Variants in ACKR3 observed in about 807,000 individuals in gnomAD.
ACKR3 encodes atypical chemokine receptor 3, also known as C-X-C chemokine receptor type 7.
Under a neutral mutation model 22.4 loss-of-function variants are expected in ACKR3, and 6 were observed. That is an observed-to-expected ratio of 0.27 (90% CI 0.15 to 0.53). ACKR3 has a LOEUF of 0.53. Among genes scored for constraint, ACKR3 ranks in the 20% least tolerant of loss-of-function variants. The pLI, the probability that ACKR3 is intolerant of heterozygous loss-of-function variation, is 0.96. For missense variants in ACKR3, 396 were observed against 475.2 expected, an observed-to-expected ratio of 0.83 and a Z score of 1.55; for synonymous variants, 209 against 205.2, an observed-to-expected ratio of 1.02 and a Z score of -0.16.
upstream of ACKR3, among the ~76,000 whole-genome samples, chr2:236,566,702 T>C (rs28452030): frequency 2.0e-5 from 3 of 148,834 alleles, no homozygotes; most frequent in African/African-American, 7.5e-5. Flanking sequence ...TCTGTCCCTC[T>C]TTCCTTCCTT....
At chr2:236,551,823 C>T in the ACKR3 span, among the ~76,000 whole-genome samples, 1 of 152,152 alleles carries the variant, frequency 6.6e-6, no homozygotes, top group South Asian at 2.1e-4. Flanking sequence ...GTTCTCTGAG[C>T]CTTGCATGTG....
the ACKR3 span, among the ~76,000 whole-genome samples, chr2:236,561,182 A>C: frequency 1.3e-5 from 2 of 152,350 alleles, no homozygotes; most frequent in Admixed American, 1.3e-4. Context: ...ATCAGTAAGC[A>C]TAAAGTTTTG....
intron 1 of ACKR3, among the ~76,000 whole-genome samples, chr2:236,578,999 C>T (rs758638719): frequency 2.1e-4 from 32 of 152,226 alleles, no homozygotes; most frequent in Non-Finnish European, 3.1e-4. Flanking sequence ...TTTCTTCTTT[C>T]TTCTTAGGGT....
At chr2:236,575,221 T>C (rs929371597) in intron 1 of ACKR3, among the ~76,000 whole-genome samples, 2 of 152,176 alleles carry the variant, frequency 1.3e-5, no homozygotes, top group Non-Finnish European at 2.9e-5. Context: ...CAGAAGTTTA[T>C]AGAGTAAAAA....
At chr2:236,544,302 A>G in the ACKR3 span, among the ~76,000 whole-genome samples, 15 of 152,150 alleles carry the variant, frequency 9.9e-5, no homozygotes, top group African/African-American at 3.6e-4. The surrounding 1 kb of genome is among the most constrained non-coding windows in gnomAD (Gnocchi z 5.0). Context: ...TCATATCTTT[A>G]TAAGGACAAA....
At chr2:236,579,158 C>T (rs745351923) in intron 1 of ACKR3, among the ~76,000 whole-genome samples, 5 of 152,200 alleles carry the variant, frequency 3.3e-5, no homozygotes, top group African/African-American at 9.6e-5. Flanking sequence ...CTTTGCATAC[C>T]GCTAGCGTAG....
upstream of ACKR3, among the ~76,000 whole-genome samples, chr2:236,567,538 C>T (rs147179131): frequency 2.6e-5 from 4 of 152,308 alleles, no homozygotes; most frequent in African/African-American, 9.6e-5. Flanking sequence ...TCAAAAAGCC[C>T]TGCTTGCTTA....
chr2:236,557,517 G>A, the ACKR3 span, among the ~76,000 whole-genome samples: 1 of 152,166 alleles, frequency 6.6e-6, no homozygotes, highest in African/African-American at 2.4e-5. Context: ...TATATTGAAA[G>A]GACATAGAGG....
At chr2:236,562,449 T>C in the ACKR3 span, among the ~76,000 whole-genome samples, 83 of 152,182 alleles carry the variant, frequency 5.5e-4, no homozygotes, top group Non-Finnish European at 8.7e-4. Flanking sequence ...CTCTCATAAA[T>C]AGTCCTGCTG....
the ACKR3 span, among the ~76,000 whole-genome samples, chr2:236,559,627 C>T: frequency 6.6e-6 from 1 of 152,184 alleles, no homozygotes; most frequent in African/African-American, 2.4e-5. Context: ...ATGAAAAGCA[C>T]AGATCTTAAC....
chr2:236,542,471 T>A, the ACKR3 span, among the ~76,000 whole-genome samples: 1 of 152,110 alleles, frequency 6.6e-6, no homozygotes, highest in African/African-American at 2.4e-5. Context: ...GACCGACATC[T>A]CCCTGCTGTA....
chr2:236,540,881 T>G, the ACKR3 span, among the ~76,000 whole-genome samples: 3 of 152,260 alleles, frequency 2.0e-5, no homozygotes, highest in African/African-American at 7.2e-5. Context: ...CACACAGTCG[T>G]GATTATTGTA....
At chr2:236,539,841 G>C in the ACKR3 span, among the ~76,000 whole-genome samples, 3 of 152,208 alleles carry the variant, frequency 2.0e-5, no homozygotes, top group African/African-American at 4.8e-5. Flanking sequence ...GGAAGGCAAA[G>C]GAGATGCAAA....
At position 236,580,465 on chromosome 2, in the gene ACKR3, G is replaced by T; in HGVS notation, c.-1G>T. The T allele has an allele frequency of 6.2e-7, 1 of 1,605,804 alleles. No homozygotes were observed. Among genetic ancestry groups the T allele is most frequent in the South Asian group, 1.1e-5 (1 of 90,852 alleles). On this transcript the variant is annotated 5_prime_UTR_variant, in exon 2 of 2. Transcript: ENST00000272928. ...GTCATTTGATTGCCCGCCTCAGAAC[G>T]ATGGATCTGCATCTCTTCGACTACT...
Position 236,581,520 on chromosome 2 carries a change from C to G in ACKR3, c.1055C>G (p.Thr352Arg). The change falls in exon 2 of 2, where the codon ACG (threonine) becomes AGG (arginine). Residue 352 changes from threonine (T) to arginine (R), a missense_variant. Physicochemically the swap from Thr to Arg is moderately conservative, Grantham distance 71. Coordinates refer to ENST00000272928, the MANE Select transcript of ACKR3 (RefSeq NM_020311.3). This position sits in a 1 kb window ranked among gnomAD's most constrained non-coding sequence, Gnocchi z 4.4. ...ATCGATGCCTCCAGAGTCTCAGAGA[C>G]GGAGTACTCTGCCTTGGAGCAGAGC... Reference protein sequence around the residue: ...KLIDASRVSETEYSALEQSTK With the variant: ...KLIDASRVSEREYSALEQSTK The G allele has an allele frequency of 6.2e-7, 1 of 1,614,158 alleles. No individual in the cohort carries two copies. The highest frequency in any genetic ancestry group is 1.1e-5 in the South Asian group (1 of 91,078).
At position 236,577,566 on chromosome 2, in the gene ACKR3, G is replaced by A. The variant is rs530147039; in HGVS notation, c.-26-2874G>A. ...GACACACTCGAGATGTGGGAACCAG[G>A]CGTCTTCTCACTGAGTGACCCTGCC... On this transcript the variant is annotated intron_variant, in intron 1 of 1. Coordinates refer to ENST00000272928, the MANE Select transcript of ACKR3 (RefSeq NM_020311.3). The surrounding 1 kb of genome is among the most constrained non-coding windows in gnomAD (Gnocchi z 5.6). 6.6e-5 allele frequency among the ~76,000 whole-genome samples: 10 copies of A among 152,228 alleles called. No homozygotes were observed. Among genetic ancestry groups the A allele is most frequent in the African/African-American group, 2.4e-4 (10 of 41,552 alleles).
At chr2:236,578,399 C>A (rs935459699) in intron 1 of ACKR3, among the ~76,000 whole-genome samples, 1 of 152,210 alleles carries the variant, frequency 6.6e-6, no homozygotes, top group African/African-American at 2.4e-5. Flanking sequence ...GTCATAAGTC[C>A]GTGGTCACAG....
At position 236,581,968 on chromosome 2, in the gene ACKR3, A is replaced by C; in HGVS notation, c.*414A>C. ...ATATTTTAAATATTGTTTGGGAGGC[A>C]TAGTGCTGACATATATTCAGAGTGT... On this transcript the variant is annotated 3_prime_UTR_variant, in exon 2 of 2. Transcript: ENST00000272928. The surrounding 1 kb of genome is among the most constrained non-coding windows in gnomAD (Gnocchi z 4.4). The C allele has an allele frequency of 5.9e-6, 1 of 170,400 alleles. No individual in the cohort carries two copies. The highest frequency in any genetic ancestry group is 1.4e-5 in the Non-Finnish European group (1 of 70,206). The allele number at this position is 170,400 out of a possible 1,614,324, so 10.6% of individuals were successfully genotyped here. A position where few individuals can be genotyped will look rare whatever the true frequency, so the allele number is the denominator to read the frequency against.
At chr2:236,556,325 C>A in the ACKR3 span, among the ~76,000 whole-genome samples, 1 of 152,052 alleles carries the variant, frequency 6.6e-6, no homozygotes, top group Admixed American at 6.5e-5. Flanking sequence ...ATAAGAGCCC[C>A]CAGAGAGGTC....
Sources: gnomAD v4.1 joint callset for allele counts (sites outside exome capture counted in the v4.1 genomes callset) on GRCh38, gnomAD v4.1.1 for gene constraint, Gnocchi (gnomAD v3.1) non-coding constraint, MANE v1.5 for transcripts, NCBI Gene and HGNC (gene_info 2026-07-23, HGNC 2026-07-21) for gene names.